The following PFKFB3 variants were observed in gnomAD, a reference collection of about 807,000 sequenced individuals.
PFKFB3 encodes 6-phosphofructo-2-kinase/fructose-2,6-biphosphatase 3.
A neutral mutation model predicts 68.0 loss-of-function variants in PFKFB3; 33 were observed. The observed-to-expected ratio is 0.49, with a 90% CI of 0.37 to 0.65. The LOEUF is 0.65. Among genes scored for constraint, PFKFB3 ranks in the 30% least tolerant of loss-of-function variants. The probability of loss-of-function intolerance (pLI) is 0.00; values close to 1 mark genes in which losing one functional copy is unlikely to be tolerated. For synonymous variants in PFKFB3, 315 were observed against 288.2 expected (o/e 1.09, Z -0.94); for missense variants, 586 against 712.2 (o/e 0.82, Z 2.02).
chr10:6,196,714 G>A (rs905925216), intron 1 of PFKFB3, among the ~76,000 whole-genome samples: 1 of 152,066 alleles, frequency 6.6e-6, no homozygotes, highest in African/African-American at 2.4e-5. Flanking sequence ...CGGAGGGTGG[G>A]TCTGCCTCTC....
At chr10:6,193,005 A>G (rs906354885) in intron 1 of PFKFB3, among the ~76,000 whole-genome samples, 4 of 152,136 alleles carry the variant, frequency 2.6e-5, no homozygotes, top group Non-Finnish European at 5.9e-5. Context: ...TGCAGGATTT[A>G]TGGAAGCTGC....
the PFKFB3 span, among the ~76,000 whole-genome samples, chr10:6,262,224 G>A: frequency 6.6e-6 from 1 of 151,808 alleles, no homozygotes; most frequent in East Asian, 1.9e-4. Context: ...GGAGGCTGAG[G>A]CGGGCGGATC....
the PFKFB3 span, among the ~76,000 whole-genome samples, chr10:6,304,291 C>G: frequency 1.3e-5 from 2 of 151,988 alleles, 1 homozygote; most frequent in South Asian, 4.2e-4. Context: ...GGCAGTTAGT[C>G]TGCCCTTTAG....
the PFKFB3 span, among the ~76,000 whole-genome samples, chr10:6,276,030 A>G: frequency 6.6e-6 from 1 of 152,234 alleles, no homozygotes; most frequent in East Asian, 1.9e-4. Context: ...GGCACCTTGT[A>G]TTTGACAAAT....
intron 1 of PFKFB3, among the ~76,000 whole-genome samples, chr10:6,148,531 T>A (rs1457873909): frequency 6.6e-6 from 1 of 152,172 alleles, no homozygotes; most frequent in Non-Finnish European, 1.5e-5. Flanking sequence ...GGCTCACAGC[T>A]CTTCCTGTGG....
At chr10:6,177,432 T>TTATTTC (rs1842535326) in intron 1 of PFKFB3, among the ~76,000 whole-genome samples, 1 of 46,352 alleles carries the variant, frequency 2.2e-5, no homozygotes, top group African/African-American at 5.8e-5. Flanking sequence ...TTCCTTTCTT[T>TTATTTC]TCTTTCTCTT....
the PFKFB3 span, among the ~76,000 whole-genome samples, chr10:6,263,314 G>A: frequency 9.2e-5 from 14 of 152,344 alleles, no homozygotes; most frequent in South Asian, 4.1e-4. Flanking sequence ...GCCTTTAAGC[G>A]GTTTTCCCGC....
At chr10:6,309,455 C>G in the PFKFB3 span, among the ~76,000 whole-genome samples, 1 of 151,958 alleles carries the variant, frequency 6.6e-6, no homozygotes, top group Non-Finnish European at 1.5e-5. Context: ...AACCCCGGCT[C>G]TACTAAAAAT....
the PFKFB3 span, among the ~76,000 whole-genome samples, chr10:6,308,736 C>T: frequency 6.6e-6 from 1 of 152,158 alleles, no homozygotes; most frequent in African/African-American, 2.4e-5. Context: ...CCCATGACAG[C>T]GAGCGTTATT....
At chr10:6,224,469 GGAA>G (rs774418024) in intron 13 of PFKFB3, 1 of 634,240 alleles carries the variant, frequency 1.6e-6, no homozygotes, top group South Asian at 1.6e-5. Flanking sequence ...ATATTAGTGA[GGAA>G]GATACATTCT....
chr10:6,202,843 A>G (rs912718960), upstream of PFKFB3: 2 of 1,006,454 alleles, frequency 2.0e-6, no homozygotes, highest in East Asian at 2.1e-4. Flanking sequence ...GGGGGCTGGG[A>G]CCCAAGGAAT....
chr10:6,198,320 C>T (rs185501721), upstream of PFKFB3, among the ~76,000 whole-genome samples: 8 of 151,236 alleles, frequency 5.3e-5, no homozygotes, highest in East Asian at 1.5e-3. Flanking sequence ...AGGGTCGGGG[C>T]AGAGAGAAAT....
chr10:6,238,076 C>T (rs529671902), downstream of PFKFB3, among the ~76,000 whole-genome samples: 1 of 152,146 alleles, frequency 6.6e-6, no homozygotes, highest in South Asian at 2.1e-4. Context: ...ACACCCGAAT[C>T]GCCTCAAAAT....
At chr10:6,166,256 A>G (rs1842136278) in intron 1 of PFKFB3, among the ~76,000 whole-genome samples, 1 of 152,008 alleles carries the variant, frequency 6.6e-6, no homozygotes, top group African/African-American at 2.4e-5. Flanking sequence ...TGCTGGGATT[A>G]AGGTGTGAGC....
the PFKFB3 span, among the ~76,000 whole-genome samples, chr10:6,262,019 C>CAAA: frequency 1.5e-3 from 215 of 144,668 alleles, no homozygotes; most frequent in South Asian, 4.4e-3. Flanking sequence ...AAACAAAAAA[C>CAAA]AAAAAAAAAA....
At chr10:6,286,500 C>T in the PFKFB3 span, among the ~76,000 whole-genome samples, 9 of 152,210 alleles carry the variant, frequency 5.9e-5, no homozygotes, top group African/African-American at 2.2e-4. Context: ...GCCTCAGCCT[C>T]CCAAATAGCT....
chr10:6,309,070 C>T, the PFKFB3 span, among the ~76,000 whole-genome samples: 2 of 152,174 alleles, frequency 1.3e-5, no homozygotes, highest in Non-Finnish European at 2.9e-5. Flanking sequence ...GATGTCCAGT[C>T]TCCATACAGG....
In PFKFB3 at chr10:6,222,894, A is replaced by G; in HGVS notation, c.1123A>G (p.Met375Val). ...DLVQRLEPVI[M>V]ELERQENVLV... ...GGTCCAGCGCTTGGAGCCAGTGATC[A>G]TGGAGCTGGAGCGGCAGGAGAATGT... Residue 375 changes from methionine (M) to valine (V), a missense_variant, in exon 11 of 15, where the codon ATG (methionine) becomes GTG (valine). Transcript: ENST00000379775. The G allele has an allele frequency of 6.2e-7, 1 of 1,613,976 alleles. No individual in the cohort carries two copies. Among genetic ancestry groups the G allele is most frequent in the South Asian group, 1.1e-5 (1 of 91,066 alleles).
intron 1 of PFKFB3, among the ~76,000 whole-genome samples, chr10:6,145,639 C>T (rs893012627): frequency 2.0e-5 from 3 of 152,156 alleles, no homozygotes; most frequent in Non-Finnish European, 4.4e-5. Context: ...CGCCCTCTGA[C>T]CCCCGGGCAG....
Sources: allele counts gnomAD v4.1 joint callset (sites outside exome capture counted in the v4.1 genomes callset), GRCh38; gene constraint gnomAD v4.1.1; transcripts MANE v1.5; gene names NCBI Gene and HGNC (gene_info 2026-07-23, HGNC 2026-07-21).